The following NAALADL2 variants were observed in gnomAD, a reference collection of about 807,000 sequenced individuals.
The protein encoded by NAALADL2 is N-acetylated alpha-linked acidic dipeptidase like 2, also known as inactive N-acetylated-alpha-linked acidic dipeptidase-like protein 2.
In NAALADL2, 76 loss-of-function variants were observed where a neutral mutation model predicts 87.2. The ratio of observed to expected loss-of-function variants is 0.87; its 90% CI spans 0.72 to 1.05. The LOEUF is 1.05. NAALADL2 is among the 50% of genes least tolerant of loss of function. The probability of loss-of-function intolerance (pLI) is 0.00; values close to 1 mark genes in which losing one functional copy is unlikely to be tolerated. For missense variants in NAALADL2, 1,089 were observed against 945.8 expected, an observed-to-expected ratio of 1.15 and a Z score of -1.99; for synonymous variants, 354 against 331.0, an observed-to-expected ratio of 1.07 and a Z score of -0.75.
At chr3:175,423,051 A>ATATATATATATATATATATAT (rs1458599872) in intron 5 of NAALADL2, among the ~76,000 whole-genome samples, 1 of 91,510 alleles carries the variant, frequency 1.1e-5, no homozygotes, top group African/African-American at 4.2e-5. Context: ...ATATATATAT[A>ATATATATATATATATATATAT]TTTTTTTTTT....
chr3:174,451,510 C>G (rs986712493), intron 1 of NAALADL2, among the ~76,000 whole-genome samples: 5 of 152,124 alleles, frequency 3.3e-5, no homozygotes, highest in South Asian at 2.1e-4. Context: ...AGCATGTATC[C>G]AATTTGAACA....
intron 2 of NAALADL2, among the ~76,000 whole-genome samples, chr3:174,630,697 A>G (rs1223956806): frequency 6.6e-6 from 1 of 152,148 alleles, no homozygotes; most frequent in African/African-American, 2.4e-5. Context: ...AGCTTCGTCT[A>G]TGTTTACTAA....
At chr3:174,937,939 T>G (rs950033556) in intron 1 of NAALADL2, among the ~76,000 whole-genome samples, 1 of 152,110 alleles carries the variant, frequency 6.6e-6, no homozygotes, top group African/African-American at 2.4e-5. Flanking sequence ...TCTTTAGCAT[T>G]TAATTGCAAA....
chr3:175,127,940 T>A (rs2108608126), intron 2 of NAALADL2, among the ~76,000 whole-genome samples: 1 of 152,304 alleles, frequency 6.6e-6, no homozygotes, highest in Non-Finnish European at 1.5e-5. Flanking sequence ...ATAGATGTGA[T>A]ATAGTGTAGT....
chr3:175,615,000 A>C (rs1725141715), intron 10 of NAALADL2, among the ~76,000 whole-genome samples: 1 of 152,206 alleles, frequency 6.6e-6, no homozygotes, highest in South Asian at 2.1e-4. Flanking sequence ...ACAAGTAAAC[A>C]ACAAAACAGC....
chr3:174,746,786 C>G (rs1734303813), intron 3 of NAALADL2, among the ~76,000 whole-genome samples: 2 of 152,108 alleles, frequency 1.3e-5, no homozygotes, highest in Non-Finnish European at 2.9e-5. Context: ...CTATCTACAA[C>G]CCTTTGATCT....
chr3:174,574,843 T>C (rs1715350823), intron 2 of NAALADL2, among the ~76,000 whole-genome samples: 1 of 152,146 alleles, frequency 6.6e-6, no homozygotes, highest in Non-Finnish European at 1.5e-5. Context: ...ATGATGTTGC[T>C]TGTATCAATA....
intron 11 of NAALADL2, among the ~76,000 whole-genome samples, chr3:175,684,147 A>G (rs1411440164): frequency 1.3e-5 from 2 of 148,380 alleles, no homozygotes; most frequent in South Asian, 2.1e-4. Flanking sequence ...GAACATGGCA[A>G]TCACTTTAAA....
chr3:175,062,720 A>G (rs1318285277), intron 1 of NAALADL2, among the ~76,000 whole-genome samples: 4 of 152,288 alleles, frequency 2.6e-5, no homozygotes, highest in South Asian at 4.1e-4. Context: ...TCACTTAGCA[A>G]GAACTATTTA....
chr3:174,646,845 T>C (rs1578416757), intron 2 of NAALADL2, among the ~76,000 whole-genome samples: 1 of 152,236 alleles, frequency 6.6e-6, no homozygotes, highest in South Asian at 2.1e-4. Context: ...ACCTTATTTT[T>C]TCTTAAATAA....
intron 5 of NAALADL2, among the ~76,000 whole-genome samples, chr3:175,415,301 C>T (rs1173280535): frequency 6.6e-6 from 1 of 151,990 alleles, no homozygotes; most frequent in Admixed American, 6.6e-5. Flanking sequence ...AAAAATTGGA[C>T]TTCATTGTAA....
chr3:174,708,562 A>G (rs994566462), intron 2 of NAALADL2, among the ~76,000 whole-genome samples: 4 of 152,196 alleles, frequency 2.6e-5, no homozygotes, highest in Non-Finnish European at 5.9e-5. Context: ...ATAAAATTAC[A>G]TTTTGTAAAT....
intron 2 of NAALADL2, among the ~76,000 whole-genome samples, chr3:174,646,549 T>C (rs1400480376): frequency 6.6e-6 from 1 of 151,600 alleles, no homozygotes; most frequent in African/African-American, 2.4e-5. Context: ...ACAAAAACAA[T>C]CTCAATAAAC....
chr3:174,829,402 G>A (rs1485807236), intron 3 of NAALADL2, among the ~76,000 whole-genome samples: 2 of 149,014 alleles, frequency 1.3e-5, no homozygotes, highest in Non-Finnish European at 3.0e-5. Context: ...TACTGAGAAT[G>A]ATGGTTTCCA....
At chr3:175,564,266 T>C (rs1560765432) in intron 9 of NAALADL2, among the ~76,000 whole-genome samples, 1 of 152,178 alleles carries the variant, frequency 6.6e-6, no homozygotes, top group African/African-American at 2.4e-5. Flanking sequence ...CCCTGGTATC[T>C]AGTGAATGAT....
At chr3:174,700,041 T>C (rs1294281784) in intron 2 of NAALADL2, among the ~76,000 whole-genome samples, 1 of 152,092 alleles carries the variant, frequency 6.6e-6, no homozygotes, top group East Asian at 1.9e-4. Flanking sequence ...TTACTGTGTT[T>C]GTTTACTTAC....
At chr3:174,811,709 A>G (rs1579032608) in intron 3 of NAALADL2, among the ~76,000 whole-genome samples, 1 of 152,214 alleles carries the variant, frequency 6.6e-6, no homozygotes, top group African/African-American at 2.4e-5. Flanking sequence ...TTAAGAAGGG[A>G]TGATTGTATT....
At chr3:174,535,348 C>G (rs1373152527) in intron 1 of NAALADL2, among the ~76,000 whole-genome samples, 5 of 152,094 alleles carry the variant, frequency 3.3e-5, no homozygotes, top group Non-Finnish European at 7.4e-5. Context: ...GTATTAGTCC[C>G]ATTTTTGTGA....
At chr3:175,705,153 C>A (rs751978080) in intron 11 of NAALADL2, among the ~76,000 whole-genome samples, 2 of 151,870 alleles carry the variant, frequency 1.3e-5, no homozygotes, top group Non-Finnish European at 2.9e-5. Flanking sequence ...AGAAGAAAGG[C>A]GATGGAATAA....
Sources: allele counts gnomAD v4.1 joint callset (sites outside exome capture counted in the v4.1 genomes callset), GRCh38; gene constraint gnomAD v4.1.1; transcripts MANE v1.5; gene names NCBI Gene and HGNC (gene_info 2026-07-23, HGNC 2026-07-21).